RABEPK: variants seen among roughly 807,000 people sequenced by gnomAD.
The protein encoded by RABEPK is 40 kDa Rab9 effector protein.
Under a neutral mutation model 34.1 loss-of-function variants are expected in RABEPK, and 27 were observed. That is an observed-to-expected ratio of 0.79 (90% confidence interval 0.58 to 1.09). The LOEUF (loss-of-function observed/expected upper bound fraction) is 1.09. Among genes scored for constraint, RABEPK ranks in the 50% least tolerant of loss-of-function variants. The probability of loss-of-function intolerance (pLI) is 0.00; values close to 1 mark genes in which losing one functional copy is unlikely to be tolerated. For synonymous variants in RABEPK, 172 were observed against 169.2 expected, an observed-to-expected ratio of 1.02 and a Z score of -0.13; for missense variants, 449 against 462.6, an observed-to-expected ratio of 0.97 and a Z score of 0.27.
chr9:125,232,217 T>TACACACAC (rs34676967), intron 6 of RABEPK, among the ~76,000 whole-genome samples: 2,841 of 118,128 alleles, frequency 0.024, 90 homozygotes, highest in African/African-American at 0.08. Context: ...GTATTTAAAG[T>TACACACAC]ACACACACAC....
At chr9:125,201,739 G>C (rs942931890) in intron 1 of RABEPK, among the ~76,000 whole-genome samples, 2 of 151,972 alleles carry the variant, frequency 1.3e-5, no homozygotes, top group African/African-American at 2.4e-5. Context: ...TCAGCCTCCT[G>C]AGTAGCTGGG....
At chr9:125,212,917 C>G (rs925078666) in intron 3 of RABEPK, among the ~76,000 whole-genome samples, 1 of 152,098 alleles carries the variant, frequency 6.6e-6, no homozygotes, top group African/African-American at 2.4e-5. Flanking sequence ...ATCCGCCCAC[C>G]TGGGCCTCCC....
intron 5 of RABEPK, among the ~76,000 whole-genome samples, chr9:125,225,074 C>G (rs1285390457): frequency 6.6e-6 from 1 of 151,926 alleles, no homozygotes; most frequent in Non-Finnish European, 1.5e-5. Context: ...GACAACATAG[C>G]AAGACCCCAT....
rs1831260093 is a variant in RABEPK at position 125,220,608 on chromosome 9, CG to C, written c.436del (p.Ala146GlnfsTer33). On this transcript the variant is annotated frameshift_variant, in exon 5 of 8. Coordinates refer to ENST00000373538, the MANE Select transcript of RABEPK (RefSeq NM_005833.4). LOFTEE classifies it high-confidence loss of function. ...PPSPRTFHTSSAAIGNQLYVF... is the reference protein window; with the variant it reads ...PPSPRTFHTSXAAIGNQLYVF... ...TCCCCAAGAACATTCCACACATCAT[CG>C]GCAGCCATTGGAAACCAGCTATATG... The C allele has an allele frequency of 6.2e-7, 1 of 1,614,032 alleles. No individual in the cohort carries two copies. Among genetic ancestry groups the C allele is most frequent in the African/African-American group, 1.3e-5 (1 of 74,908 alleles).
intron 4 of RABEPK, among the ~76,000 whole-genome samples, chr9:125,216,137 A>G (rs994669345): frequency 3.3e-5 from 5 of 152,128 alleles, no homozygotes; most frequent in Non-Finnish European, 5.9e-5. Context: ...TACTAAAAAT[A>G]CAAAAATTAG....
At chr9:125,207,207 T>A (rs973206023) in intron 2 of RABEPK, among the ~76,000 whole-genome samples, 1 of 152,140 alleles carries the variant, frequency 6.6e-6, no homozygotes, top group African/African-American at 2.4e-5. Flanking sequence ...GAGCTCGAAT[T>A]TGAACCAGAT....
intron 6 of RABEPK, among the ~76,000 whole-genome samples, chr9:125,229,273 GA>G (rs140885862): frequency 1.4e-4 from 20 of 146,750 alleles, no homozygotes; most frequent in African/African-American, 3.0e-4. Flanking sequence ...AAGAAAAAAA[GA>G]AAAAAAAAAT....
intron 4 of RABEPK, among the ~76,000 whole-genome samples, chr9:125,218,890 C>G (rs2131400188): frequency 6.6e-6 from 1 of 152,230 alleles, no homozygotes; most frequent in East Asian, 1.9e-4. Flanking sequence ...CCACACCCGA[C>G]TAATTTTTTT....
chr9:125,213,523 G>T lies in RABEPK; in HGVS notation c.364+1G>T, dbSNP rs748962497. ...AATTGTCTACAAGTCCTGAATCCTG[G>T]TAAGTAGCCAAAGGTTATTTTATTT... On this transcript the variant is annotated splice_donor_variant, in intron 4 of 7. Transcript: ENST00000373538. LOFTEE classifies it high-confidence loss of function. 7 of 1,612,684 alleles carry T rather than the reference G, an allele frequency of 4.3e-6. No individual in the cohort carries two copies. The Admixed American group carries it at 1.2e-4, about 27-fold the overall frequency.
chr9:125,219,600 A>C (rs950331430), intron 4 of RABEPK, among the ~76,000 whole-genome samples: 2 of 151,464 alleles, frequency 1.3e-5, no homozygotes, highest in African/African-American at 4.9e-5. Flanking sequence ...ATGGGATTTC[A>C]CCATGTTGGC....
chr9:125,201,387 A>G (rs1289596160), intron 1 of RABEPK, among the ~76,000 whole-genome samples: 1 of 152,234 alleles, frequency 6.6e-6, no homozygotes, highest in Non-Finnish European at 1.5e-5. Flanking sequence ...AGGTGAGTTC[A>G]CGGGAAAAAA....
At chr9:125,220,815 C>T in intron 5 of RABEPK, 115 bp downstream of exon 5, 1 of 1,294,396 alleles carries the variant, frequency 7.7e-7, no homozygotes, top group Non-Finnish European at 1.0e-6. Context: ...CACTTCTAGA[C>T]TTCTTTGTTA....
At chr9:125,232,539 A>C in intron 6 of RABEPK, 57 bp from the exon 7 acceptor site, 1 of 1,543,250 alleles carries the variant, frequency 6.5e-7, no homozygotes, top group Non-Finnish European at 8.8e-7. Flanking sequence ...TAGATAGATA[A>C]GTTTGAAAGC....
intron 2 of RABEPK, among the ~76,000 whole-genome samples, chr9:125,204,861 C>T (rs1363340323): frequency 2.4e-4 from 36 of 152,176 alleles, no homozygotes; most frequent in Admixed American, 2.3e-3. Context: ...TCCTCTGTGG[C>T]TGGCCACCCA....
At chr9:125,233,076 C>G (rs902034542) in intron 7 of RABEPK, among the ~76,000 whole-genome samples, 1 of 64,832 alleles carries the variant, frequency 1.5e-5, no homozygotes, top group African/African-American at 5.9e-5. Context: ...GACTCTGTCT[C>G]AAAAAAAAAA....
At chr9:125,207,268 C>T (rs1237693328) in intron 2 of RABEPK, among the ~76,000 whole-genome samples, 1 of 152,100 alleles carries the variant, frequency 6.6e-6, no homozygotes, top group Non-Finnish European at 1.5e-5. Context: ...TGCCAAGACC[C>T]ATCACTGAAC....
rs1588311797 is a variant in RABEPK at position 125,200,602 on chromosome 9, T to G, written c.-311T>G. The G allele has an allele frequency of 2.0e-5, 9 of 445,826 alleles. No homozygotes were observed. Among genetic ancestry groups the G allele is most frequent in the Middle Eastern group, 3.9e-4 (1 of 2,534 alleles). 27.6% of individuals were successfully genotyped at this position (445,826 alleles called of 1,614,324 possible). On this transcript the variant is annotated 5_prime_UTR_variant, in exon 1 of 8. Coordinates refer to ENST00000373538, the MANE Select transcript of RABEPK (RefSeq NM_005833.4). ...GGTATTGCAGTCCGGGGCTGGAGGGTAGGGGCGAGGGTCCCCGGATACCGG... is the reference window on the plus strand; with the variant it reads ...GGTATTGCAGTCCGGGGCTGGAGGGGAGGGGCGAGGGTCCCCGGATACCGG...
At chr9:125,227,370 G>C (rs1831834295) in intron 5 of RABEPK, among the ~76,000 whole-genome samples, 1 of 151,988 alleles carries the variant, frequency 6.6e-6, no homozygotes, top group African/African-American at 2.4e-5. Context: ...AGGCATGTTT[G>C]GTAGTGGGCT....
intron 6 of RABEPK, 93 bp from the exon 7 acceptor site, chr9:125,232,501 CTT>C (rs1832266843): frequency 7.3e-7 from 1 of 1,364,954 alleles, no homozygotes; most frequent in African/African-American, 1.5e-5. Flanking sequence ...TGGTGAATGA[CTT>C]TCAGTGATTG....
Sources: allele counts gnomAD v4.1 joint callset (sites outside exome capture counted in the v4.1 genomes callset), GRCh38; gene constraint gnomAD v4.1.1; transcripts MANE v1.5; gene names NCBI Gene and HGNC (gene_info 2026-07-23, HGNC 2026-07-21).